The following ALS2 variants were observed in gnomAD, a reference collection of about 807,000 sequenced individuals.
ALS2 encodes alsin.
In ALS2, 117 loss-of-function variants were observed where a neutral mutation model predicts 203.4. That is an observed-to-expected ratio of 0.58 (90% CI 0.50 to 0.67). The LOEUF is 0.67. ALS2 is among the 30% of genes least tolerant of loss of function. The pLI is 0.00. For synonymous variants in ALS2, 718 were observed against 725.9 expected (o/e 0.99, Z 0.17); for missense variants, 1,715 against 1,989.4 (o/e 0.86, Z 2.62).
rs756309447 is a variant in ALS2, at chr2:201,744,273, G to T, written c.2155C>A (p.Pro719Thr). 4 of 1,613,996 alleles carry T rather than the reference G, an allele frequency of 2.5e-6. No homozygotes were observed. Among genetic ancestry groups the T allele is most frequent in the South Asian group, 1.1e-5 (1 of 91,082 alleles). The part of the protein sequence containing the change: ...LSDIKSQILR[P>T]LLSLENLGTT... ...TGCAACTTACCTAAACTGAGAAGAG[G>T]CCTGAGAATCTGAGATTTGATATCA... The change falls in exon 10 of 34, where the codon CCT becomes ACT. Residue 719 changes from proline (P) to threonine (T), a missense_variant. This residue lies in a region of ALS2 where 1,227 missense variants were observed against 1,413.5 expected (regional missense o/e 0.87). Transcript: ENST00000264276.
chr2:201,775,669 G>T (rs995593972), intron 1 of ALS2, among the ~76,000 whole-genome samples: 13 of 152,012 alleles, frequency 8.6e-5, no homozygotes, highest in African/African-American at 3.1e-4. Context: ...CACCAAGAAG[G>T]CCACTTGGAA....
rs376976879 is a variant in ALS2 at position 201,709,961 on chromosome 2, G to A, written c.4200C>T (p.Gly1400=). The A allele has an allele frequency of 1.7e-5, 28 of 1,613,862 alleles. No homozygotes were observed. The highest frequency in any genetic ancestry group is 9.3e-5 in the African/African-American group (7 of 74,874). ...LVAVYRMTYV[G]VGANRRLLQE... Reference sequence around the variant, plus strand: ...GCAATAACCTGCGGTTGGCTCCTACGCCCACGTATGTCATTCTATACACTG... The same window carrying A: ...GCAATAACCTGCGGTTGGCTCCTACACCCACGTATGTCATTCTATACACTG... The change falls in exon 27 of 34, where the codon GGC becomes GGT. Residue 1400 remains glycine (G), a synonymous_variant. Coordinates refer to ENST00000264276, the MANE Select transcript of ALS2 (RefSeq NM_020919.4).
rs35097965 is a variant in ALS2, at chr2:201,761,466, G to A, written c.528C>T (p.Thr176=). 96 of 1,608,302 alleles carry A rather than the reference G, an allele frequency of 6.0e-5. No homozygotes were observed. The highest frequency in any genetic ancestry group is 5.0e-4 in the Admixed American group (30 of 59,928). Residue 176 remains threonine, a synonymous_variant, in exon 4 of 34, where the codon ACC becomes ACT. Transcript: ENST00000264276. ...TGGTAATGAGACCCAACTGACAACC[G>A]GTACCCCATGCCCAAATCTCTCTGC... is the stretch of plus-strand genomic sequence containing the variant. ...SISREIWAWG[T]GCQLGLITTA...
At chr2:201,724,189 T>A (rs1691000959) in intron 21 of ALS2, 106 bp downstream of exon 21, 1 of 1,198,442 alleles carries the variant, frequency 8.3e-7, no homozygotes, top group Non-Finnish European at 1.2e-6. Context: ...CAAAGAAATC[T>A]TACTAATCTC....
In ALS2 at chr2:201,727,193, A is replaced by C. The variant is rs746835020; in HGVS notation, c.2979+19T>G. ...AGAGCCAGGGCGAAGATTGAAGGAA[A>C]ATACCATAATAGACTAACCTTTTCC... On this transcript the variant is annotated intron_variant, in intron 17 of 33. Transcript: ENST00000264276. 1 of 1,598,622 alleles carries C rather than the reference A, an allele frequency of 6.3e-7. No individual in the cohort carries two copies. The highest frequency in any genetic ancestry group is 8.6e-7 in the Non-Finnish European group (1 of 1,165,848).
chr2:201,736,873 A>G (rs1042845133), intron 12 of ALS2, among the ~76,000 whole-genome samples: 1 of 152,284 alleles, frequency 6.6e-6, no homozygotes, highest in Non-Finnish European at 1.5e-5. Context: ...AACAAAAGCC[A>G]TAAGAAGAAA....
rs143317076 is a variant in ALS2 at position 201,726,434 on chromosome 2, C to G, written c.3248+50G>C. The G allele has an allele frequency of 4.1e-4, 602 of 1,468,322 alleles. 2 individuals are homozygous for G. The highest frequency in any genetic ancestry group is 3.8e-3 in the African/African-American group (274 of 71,934). 91.0% of individuals were successfully genotyped at this position (1,468,322 alleles called of 1,614,324 possible). A position where few individuals can be genotyped will look rare whatever the true frequency, so the allele number is the denominator to read the frequency against. ...TCTGCATACAAAATAACATAATTTA[C>G]GACCTTACCGAACTTGAATTTACTG... On this transcript the variant is annotated intron_variant, in intron 19 of 33. Transcript: ENST00000264276.
intron 3 of ALS2, among the ~76,000 whole-genome samples, chr2:201,763,859 G>A (rs886288794): frequency 6.6e-6 from 1 of 152,150 alleles, no homozygotes; most frequent in Non-Finnish European, 1.5e-5. Context: ...ACTTGGCTAC[G>A]GGTTTTAAAA....
At chr2:201,774,638 T>C (rs577764035) in intron 1 of ALS2, among the ~76,000 whole-genome samples, 5 of 149,772 alleles carry the variant, frequency 3.3e-5, no homozygotes, top group South Asian at 2.1e-4. Flanking sequence ...TCTACTCAAC[T>C]ATTTTCTGGA....
rs1017548960 is a variant in ALS2 at position 201,717,401 on chromosome 2, C to T, written c.3836+676G>A. Among the ~76,000 whole-genome samples, 2 of 150,690 alleles carry T rather than the reference C, an allele frequency of 1.3e-5. 1 individual carries two copies. The highest frequency in any genetic ancestry group is 4.2e-4 in the South Asian group (2 of 4,732). On this transcript the variant is annotated intron_variant, in intron 24 of 33. Transcript: ENST00000264276. ...GAATCGCTTGAACCCGGGAGACAGACACTGCAGTGAGCCAAGATCACGCCA... is the reference window on the plus strand; with the variant it reads ...GAATCGCTTGAACCCGGGAGACAGATACTGCAGTGAGCCAAGATCACGCCA...
intron 1 of ALS2, among the ~76,000 whole-genome samples, chr2:201,779,632 C>T (rs1386142970): frequency 2.6e-5 from 4 of 152,132 alleles, no homozygotes; most frequent in African/African-American, 7.2e-5. Context: ...TACCATAAAA[C>T]AGGCACTGTA....
At chr2:201,774,975 C>A (rs903872586) in intron 1 of ALS2, among the ~76,000 whole-genome samples, 1 of 152,124 alleles carries the variant, frequency 6.6e-6, no homozygotes, top group African/African-American at 2.4e-5. Context: ...AGACAGTACC[C>A]TTAAGGGATA....
At chr2:201,758,007 T>C (rs1032422041) in intron 4 of ALS2, among the ~76,000 whole-genome samples, 7 of 152,190 alleles carry the variant, frequency 4.6e-5, no homozygotes, top group Admixed American at 6.5e-5. Flanking sequence ...TGTGTTTTTC[T>C]ATGGTATTTC....
At chr2:201,714,455 G>T (rs1459049442) in intron 25 of ALS2, among the ~76,000 whole-genome samples, 1 of 152,222 alleles carries the variant, frequency 6.6e-6, no homozygotes, top group Non-Finnish European at 1.5e-5. Context: ...CCAGAAAGGA[G>T]AGATCATGGA....
chr2:201,715,931 CT>C, intron 24 of ALS2, 92 bp from the exon 25 acceptor site: 1 of 1,461,814 alleles, frequency 6.8e-7, no homozygotes, highest in Non-Finnish European at 9.6e-7. Context: ...ACTGAGAATG[CT>C]TTTTTCGTGA....
intron 26 of ALS2, 58 bp downstream of exon 26, chr2:201,710,933 T>C (rs1689989391): frequency 9.7e-7 from 1 of 1,030,154 alleles, no homozygotes; most frequent in Non-Finnish European, 1.5e-6. Context: ...CTGAATGATA[T>C]ATTGTGGTAG....
chr2:201,759,767 T>C (rs369883226), intron 4 of ALS2: 12 of 985,104 alleles, frequency 1.2e-5, no homozygotes, highest in African/African-American at 1.7e-5. Context: ...ACAATAAGAA[T>C]TGAGAATCAA....
At chr2:201,751,995 TG>T (rs1693095103) in intron 7 of ALS2, among the ~76,000 whole-genome samples, 1 of 152,200 alleles carries the variant, frequency 6.6e-6, no homozygotes, top group African/African-American at 2.4e-5. Flanking sequence ...TCTGTTGCAT[TG>T]ATCTGTTTAA....
At position 201,701,549 on chromosome 2, in the gene ALS2, T is replaced by C. The variant is rs1054683729; in HGVS notation, c.*302A>G. 4 of 274,966 alleles carry C rather than the reference T, an allele frequency of 1.5e-5. No individual in the cohort carries two copies. The highest frequency in any genetic ancestry group is 2.2e-5 in the African/African-American group (1 of 45,448). 17.0% of individuals were successfully genotyped at this position (274,966 alleles called of 1,614,324 possible). Reference sequence around the variant, plus strand: ...TTCATGTAGCTGACATACCCTTTACTGTAGGAAGGGATATCCTCTTCTTTT... The same window carrying C: ...TTCATGTAGCTGACATACCCTTTACCGTAGGAAGGGATATCCTCTTCTTTT... On this transcript the variant is annotated 3_prime_UTR_variant, in exon 34 of 34. Coordinates refer to ENST00000264276, the MANE Select transcript of ALS2 (RefSeq NM_020919.4).
Sources: gnomAD v4.1 joint callset for allele counts (sites outside exome capture counted in the v4.1 genomes callset) on GRCh38, gnomAD v4.1.1 for gene constraint, gnomAD v4.1.1 regional missense constraint, MANE v1.5 for transcripts, NCBI Gene and HGNC (gene_info 2026-07-23, HGNC 2026-07-21) for gene names.